FBXL7: variants seen among roughly 807,000 people sequenced by gnomAD.
The protein encoded by FBXL7 is F-box/LRR-repeat protein 7.
FBXL7 carries 12 observed loss-of-function variants against 38.3 expected under a neutral mutation model. The ratio of observed to expected loss-of-function variants is 0.31; its 90% CI spans 0.20 to 0.51. The LOEUF is 0.51. Among genes scored for constraint, FBXL7 ranks in the 20% least tolerant of loss-of-function variants. FBXL7 has a pLI of 0.98. For synonymous variants in FBXL7, 297 were observed against 300.9 expected, an observed-to-expected ratio of 0.99 and a Z score of 0.13; for missense variants, 567 against 676.4, an observed-to-expected ratio of 0.84 and a Z score of 1.79.
At chr5:15,537,805 C>T (rs1240145727) in intron 1 of FBXL7, among the ~76,000 whole-genome samples, 3 of 152,226 alleles carry the variant, frequency 2.0e-5, no homozygotes, top group African/African-American at 7.2e-5. Flanking sequence ...CCAGGGGCCA[C>T]TGGTTTTAGA....
intron 1 of FBXL7, among the ~76,000 whole-genome samples, chr5:15,588,866 G>A (rs1482878293): frequency 6.6e-6 from 1 of 152,138 alleles, no homozygotes; most frequent in African/African-American, 2.4e-5. Context: ...TCCTTACTTT[G>A]TTCAAACTGT....
chr5:15,787,911 T>C (rs545513058), intron 2 of FBXL7, among the ~76,000 whole-genome samples: 114 of 152,280 alleles, frequency 7.5e-4, no homozygotes, highest in Non-Finnish European at 2.6e-4. Context: ...CTTACCATGA[T>C]AGAAATGTAT....
intron 2 of FBXL7, among the ~76,000 whole-genome samples, chr5:15,655,763 C>T (rs1021458008): frequency 6.6e-6 from 1 of 152,160 alleles, no homozygotes; most frequent in Non-Finnish European, 1.5e-5. Context: ...GAGAGACTTA[C>T]GTGTCCATTA....
chr5:15,623,402 A>T (rs1320127806), intron 2 of FBXL7, among the ~76,000 whole-genome samples: 1 of 152,346 alleles, frequency 6.6e-6, no homozygotes, highest in East Asian at 1.9e-4. Flanking sequence ...CGAGGAAGTC[A>T]TTTTAAATGT....
intron 2 of FBXL7, among the ~76,000 whole-genome samples, chr5:15,718,170 G>A (rs942297993): frequency 1.3e-5 from 2 of 152,220 alleles, no homozygotes; most frequent in African/African-American, 4.8e-5. Context: ...ACACACAGCC[G>A]TGTATATATG....
intron 1 of FBXL7, among the ~76,000 whole-genome samples, chr5:15,505,290 A>G (rs893694519): frequency 2.6e-5 from 4 of 152,280 alleles, no homozygotes; most frequent in Admixed American, 2.0e-4. Flanking sequence ...CATTTTACTA[A>G]TGAGGAAACA....
At chr5:15,695,379 C>T (rs1353113756) in intron 2 of FBXL7, among the ~76,000 whole-genome samples, 5 of 152,080 alleles carry the variant, frequency 3.3e-5, no homozygotes, top group African/African-American at 1.2e-4. Context: ...TCCCAGCCCC[C>T]TGCCCTGGGC....
chr5:15,783,975 T>A (rs539394375), intron 2 of FBXL7, among the ~76,000 whole-genome samples: 24 of 152,268 alleles, frequency 1.6e-4, no homozygotes, highest in African/African-American at 5.1e-4. Flanking sequence ...TCTGAGAGTT[T>A]CCTATCAGCA....
chr5:15,619,536 T>C (rs1206583593), intron 2 of FBXL7, among the ~76,000 whole-genome samples: 1 of 152,200 alleles, frequency 6.6e-6, no homozygotes, highest in Admixed American at 6.5e-5. Context: ...TAAGAAAATA[T>C]TGGATGTAAT....
intron 2 of FBXL7, among the ~76,000 whole-genome samples, chr5:15,874,116 T>C (rs1372944903): frequency 6.6e-6 from 1 of 152,176 alleles, no homozygotes; most frequent in Non-Finnish European, 1.5e-5. Flanking sequence ...TGGTTCAACA[T>C]ATGCAAATCA....
In FBXL7 at chr5:15,557,011, C is replaced by T. The variant is rs187605862; in HGVS notation, c.37+56298C>T. On this transcript the variant is annotated intron_variant, in intron 1 of 3. Transcript: ENST00000504595. The stretch of plus-strand genomic sequence containing the variant: ...GGAGTGCGGTGGCGCGATCTCGGCT[C>T]ACTGCAAGCTCCGCTTCCTGGGTTC... Among the ~76,000 whole-genome samples, 207 of 152,278 alleles carry T rather than the reference C, an allele frequency of 1.4e-3. 1 individual carries two copies. Among genetic ancestry groups the T allele is most frequent in the African/African-American group, 4.4e-3 (184 of 41,542 alleles).
At chr5:15,641,279 T>C (rs561983583) in intron 2 of FBXL7, among the ~76,000 whole-genome samples, 5 of 152,218 alleles carry the variant, frequency 3.3e-5, no homozygotes, top group African/African-American at 1.2e-4. Flanking sequence ...TACCCTACAG[T>C]TGGGTACATT....
At chr5:15,790,180 A>G (rs1737237802) in intron 2 of FBXL7, among the ~76,000 whole-genome samples, 1 of 152,200 alleles carries the variant, frequency 6.6e-6, no homozygotes, top group Non-Finnish European at 1.5e-5. Context: ...TCCTTGCAGT[A>G]AGCTGAGATT....
chr5:15,795,499 G>A (rs1737392164), intron 2 of FBXL7, among the ~76,000 whole-genome samples: 1 of 152,200 alleles, frequency 6.6e-6, no homozygotes, highest in African/African-American at 2.4e-5. Flanking sequence ...ATGCCTACCG[G>A]CCAGATATTG....
In FBXL7 at chr5:15,573,780, T is replaced by C. The variant is rs147235185; in HGVS notation, c.38-42203T>C. Reference sequence around the variant, plus strand: ...GCCTTGGATCTCTGCAGAGCATGAATGTGAGGTCATCGGTACAAATTAATA... The same window carrying C: ...GCCTTGGATCTCTGCAGAGCATGAACGTGAGGTCATCGGTACAAATTAATA... On this transcript the variant is annotated intron_variant, in intron 1 of 3. Transcript: ENST00000504595. Among the ~76,000 whole-genome samples, 21 of 152,310 alleles carry C rather than the reference T, an allele frequency of 1.4e-4. No individual in the cohort carries two copies. In the East Asian group the frequency reaches 4.0e-3, roughly 29 times the overall value.
At chr5:15,582,682 G>A (rs1365963006) in intron 1 of FBXL7, among the ~76,000 whole-genome samples, 1 of 152,162 alleles carries the variant, frequency 6.6e-6, no homozygotes, top group Non-Finnish European at 1.5e-5. Flanking sequence ...CAGTTTCTTA[G>A]GTTAAATTCT....
At position 15,917,694 on chromosome 5, in the gene FBXL7, G is replaced by GAAGA. The variant is rs1206975168; in HGVS notation, c.128-10188_128-10185dup. Among the ~76,000 whole-genome samples, 590 of 140,456 alleles carry GAAGA rather than the reference G, an allele frequency of 4.2e-3. 5 individuals carry two copies. Among genetic ancestry groups the GAAGA allele is most frequent in the African/African-American group, 0.015 (549 of 37,364 alleles). 92.1% of individuals were successfully genotyped at this position (140,456 alleles called of 152,430 possible). On this transcript the variant is annotated intron_variant, in intron 2 of 3. Transcript: ENST00000504595. ...GGAAGGAAGGAAGGAAGGAAGGAAGGAAGAAAGAAAGGAAGGAAGGAAGGA... is the reference window on the plus strand; with the variant it reads ...GGAAGGAAGGAAGGAAGGAAGGAAGGAAGAAAGAAAGAAAGGAAGGAAGGAAGGA...
intron 2 of FBXL7, among the ~76,000 whole-genome samples, chr5:15,719,358 A>T (rs1185070141): frequency 6.7e-6 from 1 of 149,964 alleles, no homozygotes; most frequent in African/African-American, 2.4e-5. Context: ...TCATTTAATG[A>T]GCATCTCTGA....
chr5:15,598,913 G>T (rs993937969), intron 1 of FBXL7, among the ~76,000 whole-genome samples: 1 of 152,152 alleles, frequency 6.6e-6, no homozygotes, highest in Non-Finnish European at 1.5e-5. Context: ...AGTTAGGGAT[G>T]AAATGGATTC....
Sources: gnomAD v4.1 joint callset for allele counts (sites outside exome capture counted in the v4.1 genomes callset) on GRCh38, gnomAD v4.1.1 for gene constraint, MANE v1.5 for transcripts, NCBI Gene and HGNC (gene_info 2026-07-23, HGNC 2026-07-21) for gene names.